The following NPLOC4 variants were observed in gnomAD, a reference collection of about 807,000 sequenced individuals.
NPLOC4 encodes nuclear protein localization protein 4 homolog.
In NPLOC4, 18 loss-of-function variants were observed where a neutral mutation model predicts 80.6. That is an observed-to-expected ratio of 0.22 (90% CI 0.15 to 0.33). NPLOC4 has a LOEUF of 0.33. Ranked by LOEUF, NPLOC4 falls within the 10% of genes least tolerant of loss-of-function variation. The probability of loss-of-function intolerance (pLI) is 1.00; values close to 1 mark genes in which losing one functional copy is unlikely to be tolerated. For missense variants in NPLOC4, 540 were observed against 786.1 expected, an observed-to-expected ratio of 0.69 and a Z score of 3.74; for synonymous variants, 313 against 301.5, an observed-to-expected ratio of 1.04 and a Z score of -0.39.
At chr17:81,624,213 G>A (rs2035739725) in intron 2 of NPLOC4, among the ~76,000 whole-genome samples, 1 of 152,092 alleles carries the variant, frequency 6.6e-6, no homozygotes, top group Non-Finnish European at 1.5e-5. Flanking sequence ...GAGGTCAGGA[G>A]ATCGAGGCCA....
Position 81,557,852 on chromosome 17 carries a change from C to T in NPLOC4, c.*1407G>A, listed in dbSNP as rs1238911570. On this transcript the variant is annotated 3_prime_UTR_variant, in exon 17 of 17. Coordinates refer to ENST00000331134, the MANE Select transcript of NPLOC4 (RefSeq NM_017921.4). ...GGGCCTTCCACTTGGTGTCCCATGC[C>T]AGGCGGACCTGGAGGTGTCAGCCAT... The T allele has an allele frequency of 2.0e-5, 3 of 152,282 alleles. No individual in the cohort carries two copies. The highest frequency in any genetic ancestry group is 2.9e-5 in the Non-Finnish European group (2 of 68,094). The allele number at this position is 152,282 out of a possible 1,614,324, so 9.4% of individuals were successfully genotyped here. A position where few individuals can be genotyped will look rare whatever the true frequency, so the allele number is the denominator to read the frequency against.
chr17:81,636,871 T>C (rs923834428), intron 1 of NPLOC4, 45 bp downstream of exon 1: 10 of 1,398,914 alleles, frequency 7.1e-6, no homozygotes, highest in Non-Finnish European at 9.3e-6. Flanking sequence ...GCAAATCTGC[T>C]GCCTCATCCC....
At position 81,559,727 on chromosome 17, in the gene NPLOC4, C is replaced by CTTTTT. The variant is rs11335414; in HGVS notation, c.1670-316_1670-312dup. On this transcript the variant is annotated intron_variant, in intron 16 of 16. Coordinates refer to ENST00000331134, the MANE Select transcript of NPLOC4 (RefSeq NM_017921.4). Reference sequence around the variant, plus strand: ...GGATGTGCATTTGGGTTGTTTCCAGCTTTTTTTTTTTTTTTTTTTTTCTGA... The same window carrying CTTTTT: ...GGATGTGCATTTGGGTTGTTTCCAGCTTTTTTTTTTTTTTTTTTTTTTTTTTCTGA... Among the ~76,000 whole-genome samples, 9 of 95,708 alleles carry CTTTTT rather than the reference C, an allele frequency of 9.4e-5. 1 individual carries two copies. Among genetic ancestry groups the CTTTTT allele is most frequent in the South Asian group, 3.9e-4 (1 of 2,592 alleles). 62.8% of individuals were successfully genotyped at this position (95,708 alleles called of 152,430 possible).
At chr17:81,565,319 A>G (rs1463496244) in intron 16 of NPLOC4, 186 bp downstream of exon 16, 8 of 704,830 alleles carry the variant, frequency 1.1e-5, no homozygotes, top group East Asian at 2.7e-5. Flanking sequence ...TGTCTGCTCC[A>G]TCACCGGAGC....
At chr17:81,593,612 G>C (rs991368973) in intron 11 of NPLOC4, among the ~76,000 whole-genome samples, 5 of 151,938 alleles carry the variant, frequency 3.3e-5, no homozygotes, top group Non-Finnish European at 7.4e-5. Context: ...AGTTGAGTCT[G>C]ATAGGCTTGG....
At position 81,610,273 on chromosome 17, in the gene NPLOC4, A is replaced by G; in HGVS notation, c.387-15T>C. 1.3e-6 allele frequency: 2 copies of G among 1,562,896 alleles called. No homozygotes were observed. The highest frequency in any genetic ancestry group is 1.4e-5 in the African/African-American group (1 of 73,692). On this transcript the variant is annotated splice_polypyrimidine_tract_variant and intron_variant, in intron 4 of 16. Coordinates refer to ENST00000331134, the MANE Select transcript of NPLOC4 (RefSeq NM_017921.4). ...CGTGGCGGCATCTGAGGAGAGTACA[A>G]GGCAGAAAAAGGCAGAGCAGTGAGG... is the stretch of plus-strand genomic sequence containing the variant.
At position 81,602,085 on chromosome 17, in the gene NPLOC4, T is replaced by C. The variant is rs147835803; in HGVS notation, c.835-1658A>G. On this transcript the variant is annotated intron_variant, in intron 8 of 16. Transcript: ENST00000331134. The stretch of plus-strand genomic sequence containing the variant: ...ATGAATGTGCGTGCATGCATGCGTG[T>C]GTGTATGTGCTTACACTAAAAATGT... 1.7e-3 allele frequency among the ~76,000 whole-genome samples: 264 copies of C among 152,194 alleles called. 2 individuals carry two copies. Among genetic ancestry groups the C allele is most frequent in the African/African-American group, 6.1e-3 (254 of 41,536 alleles).
rs768496713 is a variant in NPLOC4, at chr17:81,559,369, C to G, written c.1717G>C (p.Gly573Arg). The change falls in exon 17 of 17, where the codon GGG becomes CGG. Residue 573 changes from glycine (G) to arginine (R), a missense_variant. By Grantham distance (125) the Gly-to-Arg change is moderately radical. This residue lies in a region of NPLOC4 where 87 missense variants were observed against 70.3 expected (regional missense o/e 1.24). Coordinates refer to ENST00000331134, the MANE Select transcript of NPLOC4 (RefSeq NM_017921.4). Reference protein sequence around the residue: ...LPGLHEYGAVGGSTHTATAAM... With the variant: ...LPGLHEYGAVRGSTHTATAAM... ...GCAGTGGCCGTGTGTGTGGAGCCCC[C>G]GACGGCGCCGTACTCATGGAGACCT... 6.2e-7 allele frequency: 1 copy of G among 1,609,054 alleles called. No individual in the cohort carries two copies. Among genetic ancestry groups the G allele is most frequent in the Admixed American group, 1.7e-5 (1 of 59,270 alleles).
intron 5 of NPLOC4, among the ~76,000 whole-genome samples, chr17:81,609,545 A>G (rs183982368): frequency 1.6e-4 from 24 of 152,068 alleles, no homozygotes; most frequent in Admixed American, 3.9e-4. Flanking sequence ...CCTAGGCTCA[A>G]ATGATCCTCT....
intron 4 of NPLOC4, chr17:81,613,008 C>A: frequency 4.1e-6 from 1 of 242,116 alleles, no homozygotes; most frequent in Non-Finnish European, 7.9e-6. Flanking sequence ...CAGGGGACAT[C>A]ACAGTAAAGA....
At chr17:81,629,153 C>T (rs1043184621) in intron 2 of NPLOC4, among the ~76,000 whole-genome samples, 27 of 149,978 alleles carry the variant, frequency 1.8e-4, no homozygotes, top group Admixed American at 6.7e-5. Flanking sequence ...GCTGCGATTA[C>T]AGGCGTCAGC....
rs552814150 is a variant in NPLOC4, at chr17:81,575,658, C to T, written c.1282-3570G>A. Among the ~76,000 whole-genome samples, 8 of 152,194 alleles carry T rather than the reference C, an allele frequency of 5.3e-5. No individual in the cohort carries two copies. In the South Asian group the frequency reaches 1.5e-3, roughly 28 times the overall value. ...GAGACTGGGCCCCCCACACTACGTG[C>T]GCAGGCTCCCCGCCTCCCAAGTCAG... On this transcript the variant is annotated intron_variant, in intron 12 of 16. Coordinates refer to ENST00000331134, the MANE Select transcript of NPLOC4 (RefSeq NM_017921.4).
chr17:81,624,921 C>A (rs544891476), intron 2 of NPLOC4, among the ~76,000 whole-genome samples: 2 of 152,134 alleles, frequency 1.3e-5, no homozygotes, highest in Non-Finnish European at 2.9e-5. Context: ...ATGAGGCTGG[C>A]GAGGCAGACA....
chr17:81,587,712 TC>T (rs2034624229), intron 12 of NPLOC4, among the ~76,000 whole-genome samples: 1 of 133,774 alleles, frequency 7.5e-6, no homozygotes, highest in Non-Finnish European at 1.6e-5. Flanking sequence ...CTAGCTCTGT[TC>T]CCCAGGCTGG....
intron 1 of NPLOC4, 94 bp from the exon 2 acceptor site, chr17:81,629,899 C>A: frequency 1.1e-6 from 1 of 911,980 alleles, no homozygotes; most frequent in Non-Finnish European, 1.8e-6. Flanking sequence ...GCATCTGGGT[C>A]ACTGAAAATT....
At chr17:81,591,294 G>A (rs2034731078) in intron 11 of NPLOC4, among the ~76,000 whole-genome samples, 1 of 151,730 alleles carries the variant, frequency 6.6e-6, no homozygotes, top group Admixed American at 6.6e-5. Context: ...AATTAACTGG[G>A]CATGGTGGCG....
intron 14 of NPLOC4, 97 bp downstream of exon 14, chr17:81,568,919 G>A: frequency 1.2e-6 from 1 of 819,498 alleles, no homozygotes; most frequent in Non-Finnish European, 2.0e-6. Context: ...TGAATCGGGA[G>A]CATTTGAAAG....
intron 2 of NPLOC4, among the ~76,000 whole-genome samples, chr17:81,623,253 C>T (rs973631421): frequency 4.0e-5 from 6 of 150,602 alleles, no homozygotes; most frequent in African/African-American, 9.8e-5. Context: ...AGGTGGATCA[C>T]GAGGCCAGGA....
intron 12 of NPLOC4, 38 bp downstream of exon 12, chr17:81,588,906 C>T: frequency 1.9e-6 from 3 of 1,584,282 alleles, no homozygotes; most frequent in Non-Finnish European, 2.6e-6. Flanking sequence ...TCACACCATT[C>T]TCCATGTACA....
Sources: allele counts gnomAD v4.1 joint callset (sites outside exome capture counted in the v4.1 genomes callset), GRCh38; gene constraint gnomAD v4.1.1; regional missense constraint gnomAD v4.1.1; transcripts MANE v1.5; gene names NCBI Gene and HGNC (gene_info 2026-07-23, HGNC 2026-07-21).